The following CNTN1 variants were observed in gnomAD, a reference collection of about 807,000 sequenced individuals.
CNTN1 encodes the protein contactin-1.
A neutral mutation model predicts 126.4 loss-of-function variants in CNTN1; 38 were observed. That is an observed-to-expected ratio of 0.30 (90% CI 0.23 to 0.39). The LOEUF (loss-of-function observed/expected upper bound fraction) is 0.39, where lower values mean the gene tolerates loss of function less well. Ranked by LOEUF, CNTN1 falls within the 10% of genes least tolerant of loss-of-function variation. The pLI is 1.00. For synonymous variants in CNTN1, 413 were observed against 422.6 expected, an observed-to-expected ratio of 0.98 and a Z score of 0.28; for missense variants, 1,009 against 1,248.4, an observed-to-expected ratio of 0.81 and a Z score of 2.89.
At chr12:40,920,517 A>G (rs1241625661) in intron 4 of CNTN1, among the ~76,000 whole-genome samples, 1 of 152,144 alleles carries the variant, frequency 6.6e-6, no homozygotes, top group Non-Finnish European at 1.5e-5. Context: ...AAGTGGGGGG[A>G]AAGAACAGAA....
chr12:40,727,104 T>C (rs1942376728), intron 1 of CNTN1, among the ~76,000 whole-genome samples: 1 of 150,460 alleles, frequency 6.6e-6, no homozygotes, highest in Non-Finnish European at 1.5e-5. Context: ...AAAAAGAACA[T>C]GAGGAAATAT....
At chr12:40,883,345 A>C (rs1027511510) in intron 1 of CNTN1, among the ~76,000 whole-genome samples, 1 of 151,632 alleles carries the variant, frequency 6.6e-6, no homozygotes, top group Non-Finnish European at 1.5e-5. Flanking sequence ...GTCAATTAAA[A>C]ATATTATGAA....
chr12:40,711,341 A>C (rs1369323106), intron 1 of CNTN1, among the ~76,000 whole-genome samples: 1 of 152,128 alleles, frequency 6.6e-6, no homozygotes, highest in African/African-American at 2.4e-5. Flanking sequence ...CTGTAGTTTC[A>C]AAATCTCTTC....
At chr12:40,692,789 C>T (rs1941334411) in intron 1 of CNTN1, among the ~76,000 whole-genome samples, 197 bp downstream of exon 1, 1 of 152,178 alleles carries the variant, frequency 6.6e-6, no homozygotes, top group African/African-American at 2.4e-5. Flanking sequence ...TGCGGGATGC[C>T]GGAGCCCTGG....
intron 1 of CNTN1, among the ~76,000 whole-genome samples, chr12:40,804,041 A>C (rs1315581648): frequency 6.6e-6 from 1 of 152,020 alleles, no homozygotes; most frequent in Non-Finnish European, 1.5e-5. Context: ...ATCTAGTTCC[A>C]AACTTTACTG....
At chr12:40,814,916 C>T (rs1941208772) in intron 1 of CNTN1, among the ~76,000 whole-genome samples, 1 of 151,890 alleles carries the variant, frequency 6.6e-6, no homozygotes, top group South Asian at 2.1e-4. Flanking sequence ...CCTTCCCATC[C>T]CTTGTAAGTT....
At chr12:41,004,073 G>T (rs894260830) in intron 17 of CNTN1, among the ~76,000 whole-genome samples, 8 of 152,026 alleles carry the variant, frequency 5.3e-5, no homozygotes, top group Admixed American at 5.2e-4. Flanking sequence ...TTTTGATTGG[G>T]CATTTAGTGC....
chr12:40,720,937 A>G (rs1318808752), intron 1 of CNTN1, among the ~76,000 whole-genome samples: 2 of 140,230 alleles, frequency 1.4e-5, no homozygotes, highest in Admixed American at 7.1e-5. Context: ...TCTCAAAAAA[A>G]CAAAAAAAGA....
At chr12:40,941,786 G>C (rs1176257668) in intron 12 of CNTN1, among the ~76,000 whole-genome samples, 1 of 151,938 alleles carries the variant, frequency 6.6e-6, no homozygotes, top group Non-Finnish European at 1.5e-5. Flanking sequence ...AGACCAGATT[G>C]TTCCTAGTTT....
At chr12:41,063,641 C>T (rs1274803012) in intron 23 of CNTN1, among the ~76,000 whole-genome samples, 5 of 152,118 alleles carry the variant, frequency 3.3e-5, no homozygotes, top group Non-Finnish European at 7.3e-5. Flanking sequence ...GCTTCCTTGG[C>T]CAGAGTGATT....
At chr12:40,767,544 T>G (rs1003054884) in intron 1 of CNTN1, among the ~76,000 whole-genome samples, 2 of 151,908 alleles carry the variant, frequency 1.3e-5, no homozygotes, top group Admixed American at 6.6e-5. Flanking sequence ...TCCTGACCTC[T>G]TGATCCGCCC....
At position 41,028,158 on chromosome 12, in the gene CNTN1, A is replaced by T. The variant is rs144590249; in HGVS notation, c.2823+189A>T. ...GTGATTCTCCTGCCTCAGCCTCCCA[A>T]GTAGCTGGGATTACAGGTGCCCACA... On this transcript the variant is annotated intron_variant, in intron 22 of 23. Coordinates refer to ENST00000551295, the MANE Select transcript of CNTN1 (RefSeq NM_001843.4). 3.9e-3 allele frequency among the ~76,000 whole-genome samples: 599 copies of T among 152,064 alleles called. 7 individuals are homozygous for T. The highest frequency in any genetic ancestry group is 0.014 in the African/African-American group (577 of 41,474).
chr12:41,022,255 T>C (rs982834382), intron 20 of CNTN1, among the ~76,000 whole-genome samples: 1 of 152,146 alleles, frequency 6.6e-6, no homozygotes, highest in African/African-American at 2.4e-5. Flanking sequence ...TTTCACATAG[T>C]CAGTAAAAAG....
At chr12:40,833,203 T>C (rs1484125395) in intron 1 of CNTN1, among the ~76,000 whole-genome samples, 1 of 152,166 alleles carries the variant, frequency 6.6e-6, no homozygotes, top group Non-Finnish European at 1.5e-5. Flanking sequence ...CAAGCGACTC[T>C]TCTGCCTCGG....
rs139332453 is a variant in CNTN1, at chr12:40,890,757, A to C, written c.-76-17600A>C. On this transcript the variant is annotated intron_variant, in intron 1 of 23. Transcript: ENST00000551295. Reference sequence around the variant, plus strand: ...AGGTTATTTATTGATTCCTCTACTAAAGGATGGGTTTCAATTTTTGGCAAT... The same window carrying C: ...AGGTTATTTATTGATTCCTCTACTACAGGATGGGTTTCAATTTTTGGCAAT... 4.1e-3 allele frequency among the ~76,000 whole-genome samples: 630 copies of C among 152,300 alleles called. 5 individuals are homozygous for C. Among genetic ancestry groups the C allele is most frequent in the African/African-American group, 0.011 (452 of 41,568 alleles).
chr12:40,773,656 C>T (rs371890870), intron 1 of CNTN1, among the ~76,000 whole-genome samples: 1,207 of 7,836 alleles, frequency 0.15, 37 homozygotes, highest in African/African-American at 0.18. Context: ...TATATATATA[C>T]ACATATATAT....
At chr12:40,818,641 T>C (rs1474270885) in intron 1 of CNTN1, among the ~76,000 whole-genome samples, 1 of 152,218 alleles carries the variant, frequency 6.6e-6, no homozygotes, top group Non-Finnish European at 1.5e-5. Context: ...CATAGTTTTT[T>C]ATTACCCATC....
chr12:40,948,501 G>A (rs1946525617), intron 14 of CNTN1, among the ~76,000 whole-genome samples: 1 of 151,944 alleles, frequency 6.6e-6, no homozygotes. Context: ...AATCCTCTGT[G>A]GAGTGCATAT....
chr12:41,031,316 A>G (rs2120870252), intron 23 of CNTN1, among the ~76,000 whole-genome samples: 1 of 152,280 alleles, frequency 6.6e-6, no homozygotes, highest in Middle Eastern at 3.4e-3. Flanking sequence ...AAGTGATGTC[A>G]CTTAATATGG....
Sources: allele counts gnomAD v4.1 joint callset (sites outside exome capture counted in the v4.1 genomes callset), GRCh38; gene constraint gnomAD v4.1.1; transcripts MANE v1.5; gene names NCBI Gene and HGNC (gene_info 2026-07-23, HGNC 2026-07-21).